SCN3A: variants seen among roughly 807,000 people sequenced by gnomAD.
SCN3A encodes the protein sodium voltage-gated channel alpha subunit 3, also known as sodium channel protein type 3 subunit alpha.
In SCN3A, 60 loss-of-function variants were observed where a neutral mutation model predicts 187.6. That is an observed-to-expected ratio of 0.32 (90% CI 0.26 to 0.40). The LOEUF (loss-of-function observed/expected upper bound fraction) is 0.40. Ranked by LOEUF, SCN3A falls within the 10% of genes least tolerant of loss-of-function variation. The pLI is 1.00. For synonymous variants in SCN3A, 788 were observed against 829.2 expected (o/e 0.95, Z 0.85); for missense variants, 1,601 against 2,428.2 (o/e 0.66, Z 7.16).
intron 1 of SCN3A, among the ~76,000 whole-genome samples, chr2:165,197,321 T>G (rs2105987551): frequency 6.6e-6 from 1 of 152,260 alleles, no homozygotes; most frequent in East Asian, 1.9e-4. Context: ...TTCTTTGTCT[T>G]TCTCTAGTCA....
intron 22 of SCN3A, among the ~76,000 whole-genome samples, chr2:165,097,986 G>A (rs1170341962): frequency 6.6e-6 from 1 of 152,146 alleles, no homozygotes; most frequent in Non-Finnish European, 1.5e-5. Context: ...CTCAGATCAA[G>A]TTAACTTTTT....
chr2:165,170,934 T>TCA, intron 3 of SCN3A, among the ~76,000 whole-genome samples: 1 of 152,126 alleles, frequency 6.6e-6, no homozygotes, highest in Admixed American at 6.5e-5. Context: ...AGTATTTTAA[T>TCA]CATATCAAAT....
intron 18 of SCN3A, among the ~76,000 whole-genome samples, chr2:165,124,728 T>C (rs981395340): frequency 6.6e-6 from 1 of 152,326 alleles, no homozygotes. Flanking sequence ...GTGGCATTGC[T>C]GTTTTTCCAT....
intron 3 of SCN3A, among the ~76,000 whole-genome samples, 167 bp downstream of exon 3, chr2:165,175,964 T>C (rs907850364): frequency 2.6e-5 from 4 of 152,190 alleles, no homozygotes; most frequent in African/African-American, 9.7e-5. Flanking sequence ...CTTCATTTCT[T>C]ATAAATGTTT....
chr2:165,090,441 G>A lies in SCN3A; in HGVS notation c.5712C>T (p.Ala1904=), dbSNP rs758547801. ...ATCTGAAATTACGCTGAATGATAGC[G>A]GCAGACACCTCCTCTTGTTTACGTT... is the stretch of plus-strand genomic sequence containing the variant. ...TLKRKQEEVS[A]AIIQRNFRCY... Residue 1904 remains alanine (A), a synonymous_variant, in exon 28 of 28, where the codon GCC becomes GCT. Transcript: ENST00000283254. The surrounding 1 kb of genome is among the most constrained non-coding windows in gnomAD (Gnocchi z 4.0). The A allele has an allele frequency of 3.1e-6, 5 of 1,613,710 alleles. No individual in the cohort carries two copies. The highest frequency in any genetic ancestry group is 1.1e-5 in the South Asian group (1 of 91,052).
chr2:165,099,395 A>G (rs1018036196), intron 22 of SCN3A, among the ~76,000 whole-genome samples: 3 of 152,198 alleles, frequency 2.0e-5, no homozygotes, highest in Admixed American at 1.3e-4. Flanking sequence ...AACCTTATTC[A>G]GAATGCTCAA....
At chr2:165,186,098 C>T (rs180746452) in intron 2 of SCN3A, among the ~76,000 whole-genome samples, 3 of 152,118 alleles carry the variant, frequency 2.0e-5, no homozygotes, top group African/African-American at 4.8e-5. Context: ...GATGAAACCT[C>T]GTCTCTACTA....
At chr2:165,146,441 T>C (rs202181581) in intron 12 of SCN3A, among the ~76,000 whole-genome samples, 38 of 129,068 alleles carry the variant, frequency 2.9e-4, no homozygotes, top group South Asian at 2.3e-3. Context: ...TATACACACA[T>C]ATATATATAC....
At chr2:165,146,694 A>T (rs374775595) in intron 12 of SCN3A, 45 bp downstream of exon 12, 6 of 1,608,468 alleles carry the variant, frequency 3.7e-6, no homozygotes, top group East Asian at 2.2e-5. Context: ...ACTAAAAAGC[A>T]ATAGCAATGA....
intron 21 of SCN3A, among the ~76,000 whole-genome samples, chr2:165,103,889 T>C (rs1396602621): frequency 6.6e-6 from 1 of 152,186 alleles, no homozygotes; most frequent in Non-Finnish European, 1.5e-5. Flanking sequence ...TCCATAAGCA[T>C]TCTCATTAAA....
rs748337459 is a variant in SCN3A, at chr2:165,128,040, G to A, written c.2984C>T (p.Thr995Ile). ...ATTATTCATTTCATTGTCATCATCA[G>A]TAGCAGCAAGGTTGTCTGAGCTAAA... ...SSFSSDNLAA[T>I]DDDNEMNNLQ... The change falls in exon 18 of 28, where the codon ACT becomes ATT. Residue 995 changes from threonine (T) to isoleucine (I), a missense_variant. Physicochemically the swap from Thr to Ile is moderately conservative, Grantham distance 89. This residue lies in a region of SCN3A where 267 missense variants were observed against 313.2 expected (regional missense o/e 0.85). Coordinates refer to ENST00000283254, the MANE Select transcript of SCN3A (RefSeq NM_006922.4). 7 of 1,613,616 alleles carry A rather than the reference G, an allele frequency of 4.3e-6. No homozygotes were observed. The highest frequency in any genetic ancestry group is 5.1e-6 in the Non-Finnish European group (6 of 1,179,950).
intron 18 of SCN3A, among the ~76,000 whole-genome samples, chr2:165,118,559 G>A (rs1017611393): frequency 1.3e-5 from 2 of 152,124 alleles, no homozygotes; most frequent in African/African-American, 4.8e-5. Context: ...TTCCCAAGTT[G>A]AAGAATCTGC....
At chr2:165,094,298 C>T in intron 26 of SCN3A, 76 bp downstream of exon 26, 1 of 1,032,496 alleles carries the variant, frequency 9.7e-7, no homozygotes, top group Admixed American at 1.7e-5. Flanking sequence ...CTAATATGTT[C>T]TGCTCCAGAG....
intron 4 of SCN3A, among the ~76,000 whole-genome samples, chr2:165,169,327 A>G (rs928659979): frequency 6.6e-6 from 1 of 151,972 alleles, no homozygotes; most frequent in Non-Finnish European, 1.5e-5. Context: ...CTCCTTTACA[A>G]TTTATAGCAT....
chr2:165,107,054 C>T (rs1480690835), intron 21 of SCN3A, among the ~76,000 whole-genome samples: 2 of 152,080 alleles, frequency 1.3e-5, no homozygotes, highest in Admixed American at 1.3e-4. Context: ...CAAACATTAC[C>T]ATCAGACTAA....
chr2:165,180,594 G>C (rs1690784248), intron 2 of SCN3A, among the ~76,000 whole-genome samples: 1 of 152,094 alleles, frequency 6.6e-6, no homozygotes. Flanking sequence ...GGTGGCATGT[G>C]TGCAGATGCA....
At chr2:165,113,698 T>G in intron 20 of SCN3A, 118 bp downstream of exon 20, 1 of 1,137,270 alleles carries the variant, frequency 8.8e-7, no homozygotes. Context: ...TGCCAAGCTC[T>G]GCAAGACACA....
At chr2:165,157,145 C>T (rs535550787) in intron 9 of SCN3A, among the ~76,000 whole-genome samples, 3 of 151,986 alleles carry the variant, frequency 2.0e-5, no homozygotes, top group South Asian at 4.2e-4. Context: ...CTCCTGACCT[C>T]GTGATCCGCC....
chr2:165,124,662 T>C (rs896720199), intron 18 of SCN3A, among the ~76,000 whole-genome samples: 2 of 152,196 alleles, frequency 1.3e-5, no homozygotes, highest in African/African-American at 2.4e-5. Context: ...TATATCCCAA[T>C]TGAACTCCTT....
Sources: gnomAD v4.1 joint callset for allele counts (sites outside exome capture counted in the v4.1 genomes callset) on GRCh38, gnomAD v4.1.1 for gene constraint, gnomAD v4.1.1 regional missense constraint, Gnocchi (gnomAD v3.1) non-coding constraint, MANE v1.5 for transcripts, NCBI Gene and HGNC (gene_info 2026-07-23, HGNC 2026-07-21) for gene names.